MALT1: variants seen among roughly 807,000 people sequenced by gnomAD.
The protein encoded by MALT1 is MALT1 paracaspase.
A neutral mutation model predicts 85.5 loss-of-function variants in MALT1; 36 were observed. The ratio of observed to expected loss-of-function variants is 0.42; its 90% CI spans 0.32 to 0.56. The LOEUF is 0.56. Among genes scored for constraint, MALT1 ranks in the 20% least tolerant of loss-of-function variants. The pLI is 0.10. For missense variants in MALT1, 716 were observed against 981.6 expected (o/e 0.73, Z 3.62); for synonymous variants, 359 against 361.3 (o/e 0.99, Z 0.07).
intron 10 of MALT1, among the ~76,000 whole-genome samples, chr18:58,726,994 A>G (rs2055064229): frequency 6.6e-6 from 1 of 152,216 alleles, no homozygotes; most frequent in African/African-American, 2.4e-5. Flanking sequence ...TGGTTCTTTA[A>G]CTTTTCTAAG....
chr18:58,684,340 A>G (rs1159567869), intron 2 of MALT1, among the ~76,000 whole-genome samples: 1 of 152,310 alleles, frequency 6.6e-6, no homozygotes, highest in East Asian at 1.9e-4. Flanking sequence ...ATTTAACAGC[A>G]AACATTTTGA....
chr18:58,681,104 C>G, intron 1 of MALT1, 66 bp from the exon 2 acceptor site: 1 of 1,471,578 alleles, frequency 6.8e-7, no homozygotes, highest in South Asian at 1.2e-5. Flanking sequence ...CACCGTGGTC[C>G]AGATATATAG....
chr18:58,707,342 C>T (rs1166364061), intron 4 of MALT1, among the ~76,000 whole-genome samples: 6 of 151,194 alleles, frequency 4.0e-5, no homozygotes, highest in African/African-American at 1.5e-4. Context: ...GAATGTAGGT[C>T]AGCTCTGCTT....
At position 58,751,679 on chromosome 18, in the gene MALT1, T is replaced by C. The variant is rs2055448785; in HGVS notation, c.*3837T>C. The C allele has an allele frequency of 6.6e-6, 1 of 152,218 alleles. No homozygotes were observed. Among genetic ancestry groups the C allele is most frequent in the Non-Finnish European group, 1.5e-5 (1 of 68,048 alleles). 9.4% of individuals were successfully genotyped at this position (152,218 alleles called of 1,614,324 possible). A position where few individuals can be genotyped will look rare whatever the true frequency, so the allele number is the denominator to read the frequency against. On this transcript the variant is annotated 3_prime_UTR_variant, in exon 17 of 17. Transcript: ENST00000649217. ...GTGGAATTTAGAAAAGATGATAATC[T>C]ATCAAATCTGTCAATACCAATTAGA...
chr18:58,693,885 C>G (rs1159360489), intron 2 of MALT1, among the ~76,000 whole-genome samples: 1 of 152,142 alleles, frequency 6.6e-6, no homozygotes, highest in East Asian at 1.9e-4. Context: ...ATTACTTGTT[C>G]TCTTTTGTCA....
At chr18:58,695,358 G>A (rs1323594092) in intron 2 of MALT1, among the ~76,000 whole-genome samples, 1 of 152,212 alleles carries the variant, frequency 6.6e-6, no homozygotes, top group Non-Finnish European at 1.5e-5. Flanking sequence ...AAGAGAAGGA[G>A]TTGGGGGTGT....
intron 9 of MALT1, among the ~76,000 whole-genome samples, chr18:58,717,960 C>G (rs2054927791): frequency 6.6e-6 from 1 of 152,086 alleles, no homozygotes; most frequent in South Asian, 2.1e-4. Context: ...ATGACAAGAT[C>G]CAAATGTAAC....
intron 2 of MALT1, among the ~76,000 whole-genome samples, chr18:58,692,407 C>CCTCTCTCTCTCTCTCT (rs35054606): frequency 1.5e-5 from 2 of 130,360 alleles, no homozygotes; most frequent in African/African-American, 3.0e-5. Context: ...ACTGGCCATT[C>CCTCTCTCTCTCTCTCT]CTCTCTCTCT....
At chr18:58,710,280 AG>A (rs976481082) in intron 6 of MALT1, among the ~76,000 whole-genome samples, 3 of 152,328 alleles carry the variant, frequency 2.0e-5, no homozygotes, top group Non-Finnish European at 4.4e-5. Flanking sequence ...AAAAAGAATC[AG>A]GAAAAAAAGC....
chr18:58,698,054 G>GTT (rs777617630), intron 3 of MALT1, among the ~76,000 whole-genome samples: 33 of 129,434 alleles, frequency 2.5e-4, no homozygotes, highest in African/African-American at 9.6e-4. Flanking sequence ...TGTTGTTGTT[G>GTT]TTGTTTTGTT....
intron 13 of MALT1, among the ~76,000 whole-genome samples, chr18:58,737,434 C>T (rs1382118563): frequency 1.3e-5 from 2 of 150,890 alleles, no homozygotes; most frequent in African/African-American, 4.9e-5. Flanking sequence ...GTAAGTATGA[C>T]CACACCACTG....
At chr18:58,727,787 G>A (rs9964270) in intron 10 of MALT1, among the ~76,000 whole-genome samples, 26,035 of 151,902 alleles carry the variant, frequency 0.17, 2,838 homozygotes, top group African/African-American at 0.3. Flanking sequence ...GCACAGTAGC[G>A]AGGCTGGCCT....
chr18:58,733,769 A>G (rs58285566), intron 11 of MALT1, 195 bp downstream of exon 11: 65,416 of 737,844 alleles, frequency 0.089, 5,223 homozygotes, highest in African/African-American at 0.32. Context: ...CATATTTGCT[A>G]TAGAACACAA....
At chr18:58,686,042 T>C (rs1411362525) in intron 2 of MALT1, among the ~76,000 whole-genome samples, 1 of 152,170 alleles carries the variant, frequency 6.6e-6, no homozygotes. Flanking sequence ...TTGTTGTTTG[T>C]TTGCTTTTTG....
chr18:58,723,278 A>T (rs1305253446), intron 10 of MALT1, 27 bp downstream of exon 10: 47 of 1,518,724 alleles, frequency 3.1e-5, no homozygotes, highest in Non-Finnish European at 4.2e-5. Context: ...GTTTGTTTTT[A>T]CAATTATCCA....
At chr18:58,685,285 TG>T (rs1295727798) in intron 2 of MALT1, among the ~76,000 whole-genome samples, 18 of 152,232 alleles carry the variant, frequency 1.2e-4, no homozygotes, top group African/African-American at 4.1e-4. Flanking sequence ...TGCTGTGAAC[TG>T]GCCTTTGAGG....
chr18:58,712,630 T>A, intron 7 of MALT1, among the ~76,000 whole-genome samples: 1 of 152,078 alleles, frequency 6.6e-6, no homozygotes, highest in East Asian at 1.9e-4. Flanking sequence ...CACAGTAGGG[T>A]GACAATAGGT....
chr18:58,745,863 C>T, intron 16 of MALT1, 72 bp downstream of exon 16: 1 of 1,344,874 alleles, frequency 7.4e-7, no homozygotes, highest in Non-Finnish European at 1.0e-6. Context: ...TGGCATAGAC[C>T]ATAGATATGC....
In MALT1 at chr18:58,748,202, C is replaced by A; in HGVS notation, c.*360C>A. 3.9e-6 allele frequency: 1 copy of A among 255,150 alleles called. No individual in the cohort carries two copies. The highest frequency in any genetic ancestry group is 5.1e-5 in the Admixed American group (1 of 19,458). The allele number at this position is 255,150 out of a possible 1,614,324, so 15.8% of individuals were successfully genotyped here. On this transcript the variant is annotated 3_prime_UTR_variant, in exon 17 of 17. Coordinates refer to ENST00000649217, the MANE Select transcript of MALT1 (RefSeq NM_006785.4). ...TTTTTAACACCAGAAAGAACCTTGC[C>A]GATCACCAGGCATAACCTAATTTTA...
Sources: allele counts gnomAD v4.1 joint callset (sites outside exome capture counted in the v4.1 genomes callset), GRCh38; gene constraint gnomAD v4.1.1; transcripts MANE v1.5; gene names NCBI Gene and HGNC (gene_info 2026-07-23, HGNC 2026-07-21).